LYN: variants seen among roughly 807,000 people sequenced by gnomAD.
LYN encodes the protein tyrosine-protein kinase Lyn.
LYN carries 12 observed loss-of-function variants against 65.0 expected under a neutral mutation model. The ratio of observed to expected loss-of-function variants is 0.18; its 90% confidence interval spans 0.12 to 0.30. The LOEUF (loss-of-function observed/expected upper bound fraction) is 0.30, where lower values mean the gene tolerates loss of function less well. Among genes scored for constraint, LYN ranks in the 10% least tolerant of loss-of-function variants. The pLI is 1.00. For synonymous variants in LYN, 222 were observed against 221.2 expected, an observed-to-expected ratio of 1.00 and a Z score of -0.03; for missense variants, 380 against 623.2, an observed-to-expected ratio of 0.61 and a Z score of 4.16.
intron 1 of LYN, among the ~76,000 whole-genome samples, chr8:55,889,627 G>T (rs1421870710): frequency 2.0e-5 from 3 of 152,298 alleles, no homozygotes; most frequent in African/African-American, 2.4e-5. Context: ...TCTCTGGATT[G>T]TTCACAAACC....
At chr8:55,973,352 C>G (rs969132725) in intron 10 of LYN, among the ~76,000 whole-genome samples, 1 of 152,192 alleles carries the variant, frequency 6.6e-6, no homozygotes, top group Non-Finnish European at 1.5e-5. Flanking sequence ...CAACATAGAT[C>G]AAGAAATCCT....
chr8:55,950,874 C>T, intron 6 of LYN, 90 bp downstream of exon 6: 1 of 892,384 alleles, frequency 1.1e-6, no homozygotes, highest in Admixed American at 2.1e-5. Context: ...GAAAAAAGGG[C>T]ATATAGTATG....
At chr8:55,901,595 C>T (rs1805265839) in intron 1 of LYN, among the ~76,000 whole-genome samples, 1 of 152,122 alleles carries the variant, frequency 6.6e-6, no homozygotes, top group South Asian at 2.1e-4. Context: ...ATGTATTGCT[C>T]TTGCTCTGTG....
chr8:55,940,663 C>G (rs1806583252), intron 1 of LYN, among the ~76,000 whole-genome samples: 2 of 152,196 alleles, frequency 1.3e-5, no homozygotes, highest in South Asian at 4.1e-4. Flanking sequence ...CCTGAGCCAC[C>G]GCGCCCGGCT....
rs569676157 is a variant in LYN at position 55,917,172 on chromosome 8, T to C, written c.-5-24683T>C. ...GCCTGGGTGATAGAGTGAGATTCTG[T>C]CTAAAAAAAAAAAAAAAGAGAGAGA... On this transcript the variant is annotated intron_variant, in intron 1 of 12. Transcript: ENST00000519728. 2.2e-3 allele frequency among the ~76,000 whole-genome samples: 323 copies of C among 148,082 alleles called. 1 individual carries two copies. Among genetic ancestry groups the C allele is most frequent in the African/African-American group, 7.6e-3 (301 of 39,508 alleles).
intron 10 of LYN, among the ~76,000 whole-genome samples, chr8:55,982,678 C>T (rs575496115): frequency 3.9e-5 from 6 of 152,318 alleles, no homozygotes; most frequent in Admixed American, 1.3e-4. Flanking sequence ...ACAGCCCTGT[C>T]ATCATTCCAT....
At chr8:55,937,739 C>A (rs1378193454) in intron 1 of LYN, among the ~76,000 whole-genome samples, 3 of 152,186 alleles carry the variant, frequency 2.0e-5, no homozygotes, top group Admixed American at 2.0e-4. Flanking sequence ...GTCACCCAGG[C>A]TGGAGTGCAG....
chr8:55,961,346 C>T (rs1807267342), intron 8 of LYN, among the ~76,000 whole-genome samples: 1 of 152,150 alleles, frequency 6.6e-6, no homozygotes, highest in Non-Finnish European at 1.5e-5. Flanking sequence ...CCCAAATCTC[C>T]ATGACTAGGT....
intron 10 of LYN, among the ~76,000 whole-genome samples, chr8:55,991,040 A>G (rs1411641822): frequency 6.6e-6 from 1 of 152,184 alleles, no homozygotes; most frequent in Non-Finnish European, 1.5e-5. Context: ...ACCAACAAAT[A>G]GAGACACGCC....
In LYN at chr8:55,947,730, G is replaced by GCTCT. The variant is rs758524919; in HGVS notation, c.284+9_284+12dup. ...AGATGAAAGTCCTGGAGGAGTAAGT[G>GCTCT]CTCTCAAGCACGCCACGGCTGCTCG... On this transcript the variant is annotated splice_region_variant and intron_variant, in intron 4 of 12. Coordinates refer to ENST00000519728, the MANE Select transcript of LYN (RefSeq NM_002350.4). The GCTCT allele has an allele frequency of 8.1e-6, 13 of 1,597,098 alleles. No individual in the cohort carries two copies. Among genetic ancestry groups the GCTCT allele is most frequent in the Non-Finnish European group, 1.1e-5 (13 of 1,164,850 alleles).
intron 10 of LYN, among the ~76,000 whole-genome samples, chr8:55,981,549 T>G (rs1017976264): frequency 1.1e-4 from 17 of 152,092 alleles, no homozygotes; most frequent in African/African-American, 4.1e-4. Flanking sequence ...AGAGATAGGG[T>G]CTCACTACAT....
intron 1 of LYN, among the ~76,000 whole-genome samples, chr8:55,903,489 T>C (rs1312466935): frequency 6.6e-6 from 1 of 152,218 alleles, no homozygotes; most frequent in African/African-American, 2.4e-5. Flanking sequence ...TACTTGAGTG[T>C]TTTTGATTAC....
intron 8 of LYN, among the ~76,000 whole-genome samples, 161 bp from the exon 9 acceptor site, chr8:55,966,554 C>G (rs2667988): frequency 0.47 from 71,147 of 151,648 alleles, 17,472 homozygotes; most frequent in African/African-American, 0.59. Flanking sequence ...TTTTAGTAGA[C>G]ATGGGGTTTC....
At chr8:55,944,887 G>T (rs1426041079) in intron 2 of LYN, among the ~76,000 whole-genome samples, 3 of 152,162 alleles carry the variant, frequency 2.0e-5, no homozygotes, top group African/African-American at 7.2e-5. Context: ...CAAAATAAAG[G>T]GGATTAAAAA....
intron 1 of LYN, among the ~76,000 whole-genome samples, chr8:55,890,846 GC>G (rs1324442177): frequency 6.6e-6 from 1 of 151,540 alleles, no homozygotes; most frequent in African/African-American, 2.4e-5. Context: ...TCCCACCTCA[GC>G]CTCTTGAGTA....
rs560631865 is a variant in LYN at position 55,967,566 on chromosome 8, T to A, written c.973+669T>A. ...CCTGAGCTCAGGCAATCTGCCTGCC[T>A]CAGCCTCTGAAAGTGCTAGGATTAC... is the stretch of plus-strand genomic sequence containing the variant. On this transcript the variant is annotated intron_variant, in intron 9 of 12. Transcript: ENST00000519728. 5.3e-5 allele frequency among the ~76,000 whole-genome samples: 8 copies of A among 152,324 alleles called. No individual in the cohort carries two copies. The East Asian group carries it at 1.5e-3, about 29-fold the overall frequency.
chr8:55,944,581 A>G (rs1381342283), intron 2 of LYN, among the ~76,000 whole-genome samples: 1 of 152,214 alleles, frequency 6.6e-6, no homozygotes, highest in Admixed American at 6.5e-5. Flanking sequence ...CCTGAGTTCA[A>G]GCGATTCTCC....
At chr8:55,992,077 C>T (rs927214092) in intron 10 of LYN, among the ~76,000 whole-genome samples, 1 of 152,288 alleles carries the variant, frequency 6.6e-6, no homozygotes, top group Non-Finnish European at 1.5e-5. Flanking sequence ...AGTTAGACAT[C>T]AGCACTGGGT....
intron 12 of LYN, among the ~76,000 whole-genome samples, chr8:56,001,738 T>A (rs929497880): frequency 6.6e-6 from 1 of 152,204 alleles, no homozygotes; most frequent in Non-Finnish European, 1.5e-5. Flanking sequence ...AGAAAGATTA[T>A]ATAGTCAGAT....
Sources: gnomAD v4.1 joint callset for allele counts (sites outside exome capture counted in the v4.1 genomes callset) on GRCh38, gnomAD v4.1.1 for gene constraint, MANE v1.5 for transcripts, NCBI Gene and HGNC (gene_info 2026-07-23, HGNC 2026-07-21) for gene names.